ATP6V1H: variants seen among roughly 807,000 people sequenced by gnomAD.
The protein encoded by ATP6V1H is ATPase H+ transporting V1 subunit H.
Under a neutral mutation model 71.7 loss-of-function variants are expected in ATP6V1H, and 39 were observed. The observed-to-expected ratio is 0.54, with a 90% confidence interval of 0.42 to 0.71. The LOEUF (loss-of-function observed/expected upper bound fraction) is 0.71. Ranked by LOEUF, ATP6V1H falls within the 30% of genes least tolerant of loss-of-function variation. ATP6V1H has a pLI of 0.00. For synonymous variants in ATP6V1H, 192 were observed against 199.3 expected (o/e 0.96, Z 0.31); for missense variants, 509 against 594.9 (o/e 0.86, Z 1.50).
chr8:53,818,019 T>G (rs914107577), intron 4 of ATP6V1H, among the ~76,000 whole-genome samples: 2 of 152,156 alleles, frequency 1.3e-5, no homozygotes, highest in Non-Finnish European at 2.9e-5. Flanking sequence ...GGTAGAAAAC[T>G]TGGGATAAAG....
At chr8:53,837,154 AAGAG>A (rs1585842452) in intron 2 of ATP6V1H, among the ~76,000 whole-genome samples, 1 of 152,082 alleles carries the variant, frequency 6.6e-6, no homozygotes, top group Non-Finnish European at 1.5e-5. Flanking sequence ...AAAAAAAAAA[AAGAG>A]AGAGTGAATA....
chr8:53,726,321 G>A (rs1260505154), intron 13 of ATP6V1H, among the ~76,000 whole-genome samples: 1 of 151,948 alleles, frequency 6.6e-6, no homozygotes, highest in Non-Finnish European at 1.5e-5. Flanking sequence ...TTCCCTTAAA[G>A]CTTCAAATTA....
chr8:53,839,336 A>T (rs1014059202), intron 2 of ATP6V1H, among the ~76,000 whole-genome samples: 1 of 152,200 alleles, frequency 6.6e-6, no homozygotes, highest in African/African-American at 2.4e-5. Context: ...GAAATTAGGA[A>T]ACAGAGCTCA....
At chr8:53,827,656 T>C (rs1197081961) in intron 4 of ATP6V1H, among the ~76,000 whole-genome samples, 1 of 152,134 alleles carries the variant, frequency 6.6e-6, no homozygotes, top group South Asian at 2.1e-4. Flanking sequence ...CGGTGTGTTA[T>C]ATTGGTAAAC....
At chr8:53,780,625 T>C (rs1282146390) in intron 9 of ATP6V1H, among the ~76,000 whole-genome samples, 6 of 152,148 alleles carry the variant, frequency 3.9e-5, no homozygotes, top group South Asian at 2.1e-4. Flanking sequence ...TGTGCCATGT[T>C]GGTGTGCTGC....
chr8:53,782,099 G>A (rs1477696234), intron 9 of ATP6V1H, among the ~76,000 whole-genome samples: 2 of 152,162 alleles, frequency 1.3e-5, no homozygotes, highest in Admixed American at 6.5e-5. Context: ...TAGCTTGATG[G>A]GGATGGCACT....
At chr8:53,734,698 C>T (rs1012555768) in intron 13 of ATP6V1H, among the ~76,000 whole-genome samples, 3 of 152,192 alleles carry the variant, frequency 2.0e-5, no homozygotes, top group African/African-American at 7.2e-5. Flanking sequence ...GGAACACCAG[C>T]GAGCTCCCAC....
intron 4 of ATP6V1H, among the ~76,000 whole-genome samples, chr8:53,818,451 T>A (rs1036369748): frequency 6.6e-6 from 1 of 152,176 alleles, no homozygotes; most frequent in African/African-American, 2.4e-5. Context: ...TTGGTTAATA[T>A]TGGTCTACAC....
chr8:53,807,564 T>A (rs1483572160), intron 7 of ATP6V1H, among the ~76,000 whole-genome samples: 3 of 152,198 alleles, frequency 2.0e-5, no homozygotes, highest in Non-Finnish European at 1.5e-5. Context: ...AGACCATGTA[T>A]GATTTCAGTT....
intron 2 of ATP6V1H, among the ~76,000 whole-genome samples, chr8:53,836,167 G>A (rs1443897077): frequency 6.6e-6 from 1 of 152,102 alleles, no homozygotes; most frequent in Admixed American, 6.5e-5. Context: ...CAAAATAAAT[G>A]AAATGTTGAG....
At chr8:53,832,624 G>GTCATCA (rs1811044186) in intron 3 of ATP6V1H, 1 of 156,914 alleles carries the variant, frequency 6.4e-6, no homozygotes, top group South Asian at 2.0e-4. Context: ...GTAATCCCAT[G>GTCATCA]TCATCAAAGT....
chr8:53,785,390 A>C (rs1305260845), intron 9 of ATP6V1H, among the ~76,000 whole-genome samples: 3 of 152,088 alleles, frequency 2.0e-5, no homozygotes, highest in Non-Finnish European at 4.4e-5. Flanking sequence ...CAGCTCCATC[A>C]GGTCCTTTAA....
chr8:53,796,144 A>T (rs1042407208), intron 8 of ATP6V1H, among the ~76,000 whole-genome samples: 12 of 152,214 alleles, frequency 7.9e-5, no homozygotes, highest in Non-Finnish European at 1.8e-4. Context: ...CGGACAGACA[A>T]TAGAGCCAAA....
chr8:53,798,779 G>A (rs1381058522), intron 8 of ATP6V1H, among the ~76,000 whole-genome samples: 5 of 152,002 alleles, frequency 3.3e-5, no homozygotes, highest in East Asian at 3.9e-4. Flanking sequence ...TCCACCTAAA[G>A]GTTTATCTGA....
Position 53,719,589 on chromosome 8 carries a change from G to A in ATP6V1H, c.1392-3565C>T, listed in dbSNP as rs533095532. Among the ~76,000 whole-genome samples the A allele has an allele frequency of 2.5e-4, 38 of 152,346 alleles. 1 individual carries two copies. The South Asian group carries it at 3.3e-3, about 13-fold the overall frequency. On this transcript the variant is annotated intron_variant, in intron 13 of 13. Transcript: ENST00000359530. ...GCCAGGCACAGGGGGTCCTGCCATC[G>A]AGGGCCTGAAGCTGGGAACACAGGA...
chr8:53,833,043 A>G lies in ATP6V1H; in HGVS notation c.157T>C (p.Phe53Leu). ...TCTTCAGGGCTTCGTTTCATTTCAA[A>G]CCTCTGAATAAACTCACAATCTTCA... The part of the protein sequence containing the change: ...SAEDCEFIQR[F>L]EMKRSPEEKQ... Residue 53 changes from phenylalanine (F) to leucine (L), a missense_variant, in exon 3 of 14, where the codon TTT (phenylalanine) becomes CTT (leucine). This residue lies in a region of ATP6V1H where 297 missense variants were observed against 303.3 expected (regional missense o/e 0.98). Coordinates refer to ENST00000359530, the MANE Select transcript of ATP6V1H (RefSeq NM_015941.4). 1 of 1,613,850 alleles carries G rather than the reference A, an allele frequency of 6.2e-7. No individual in the cohort carries two copies. Among genetic ancestry groups the G allele is most frequent in the Non-Finnish European group, 8.5e-7 (1 of 1,179,860 alleles).
At chr8:53,748,139 C>A (rs1008604434) in intron 12 of ATP6V1H, among the ~76,000 whole-genome samples, 1 of 151,548 alleles carries the variant, frequency 6.6e-6, no homozygotes, top group South Asian at 2.1e-4. Context: ...GCCTGGGCAA[C>A]AGAGTGAGAC....
intron 10 of ATP6V1H, among the ~76,000 whole-genome samples, chr8:53,770,486 C>T (rs1359629769): frequency 2.0e-5 from 3 of 152,138 alleles, no homozygotes; most frequent in Admixed American, 2.0e-4. Context: ...CATTCAAATA[C>T]TACTAGTAAT....
At chr8:53,811,104 GTA>G in intron 7 of ATP6V1H, 58 bp downstream of exon 7, 1 of 1,476,898 alleles carries the variant, frequency 6.8e-7, no homozygotes, top group Non-Finnish European at 9.4e-7. Flanking sequence ...AATTTTAAGT[GTA>G]TATGACTCAA....
Sources: gnomAD v4.1 joint callset for allele counts (sites outside exome capture counted in the v4.1 genomes callset) on GRCh38, gnomAD v4.1.1 for gene constraint, gnomAD v4.1.1 regional missense constraint, MANE v1.5 for transcripts, NCBI Gene and HGNC (gene_info 2026-07-23, HGNC 2026-07-21) for gene names.